The following PRSS41 variants were observed in gnomAD, a reference collection of about 807,000 sequenced individuals.
PRSS41 encodes the protein protease, serine 41.
Under a neutral mutation model 28.8 loss-of-function variants are expected in PRSS41, and 37 were observed. The ratio of observed to expected loss-of-function variants is 1.29; its 90% CI spans 0.99 to 1.69. PRSS41 has a LOEUF of 1.69. Ranked by LOEUF, PRSS41 falls within the 40% of genes most tolerant of loss-of-function variation. PRSS41 has a pLI of 0.00. For synonymous variants in PRSS41, 195 were observed against 163.1 expected, an observed-to-expected ratio of 1.20 and a Z score of -1.49; for missense variants, 431 against 400.7, an observed-to-expected ratio of 1.08 and a Z score of -0.65.
At chr16:2,801,384 A>G (rs2068985246) in intron 4 of PRSS41, among the ~76,000 whole-genome samples, 1 of 146,326 alleles carries the variant, frequency 6.8e-6, no homozygotes, top group Admixed American at 6.9e-5. Context: ...GGTGTTTCTC[A>G]CAGAGGGGGA....
At chr16:2,799,762 C>T (rs1351437788) in intron 4 of PRSS41, among the ~76,000 whole-genome samples, 193 bp downstream of exon 4, 2 of 152,244 alleles carry the variant, frequency 1.3e-5, no homozygotes, top group Non-Finnish European at 2.9e-5. Flanking sequence ...GGACCAAACA[C>T]CCAGTTCTTC....
exon 6 of PRSS41, chr16:2,805,155 A>C (rs1214734172): frequency 5.2e-6 from 8 of 1,529,772 alleles, no homozygotes; most frequent in Non-Finnish European, 6.2e-6. Flanking sequence ...TTCTGAGTGC[A>C]CCAGAAACTG....
At chr16:2,804,113 C>T (rs184491092) in intron 4 of PRSS41, among the ~76,000 whole-genome samples, 364 of 152,264 alleles carry the variant, frequency 2.4e-3, no homozygotes, top group Non-Finnish European at 3.8e-3. Flanking sequence ...GAAATTTCTC[C>T]GCGGACTCAG....
At chr16:2,802,837 G>A (rs1436930834) in intron 4 of PRSS41, among the ~76,000 whole-genome samples, 1 of 151,430 alleles carries the variant, frequency 6.6e-6, no homozygotes, top group East Asian at 2.0e-4. Context: ...TCCAGCTTCG[G>A]CTCCGCATGA....
At chr16:2,805,218 G>T in exon 6 of PRSS41, 1 of 1,103,568 alleles carries the variant, frequency 9.1e-7, no homozygotes, top group Non-Finnish European at 1.3e-6. Flanking sequence ...GGCTGTGGGC[G>T]CTTCAGGGAC....
intron 4 of PRSS41, 42 bp from the exon 5 acceptor site, chr16:2,804,347 A>G: frequency 6.5e-7 from 1 of 1,544,894 alleles, no homozygotes; most frequent in Non-Finnish European, 8.8e-7. Flanking sequence ...CAGATAGCAG[A>G]GGAGAGGTGA....
chr16:2,800,448 G>A (rs139578951), intron 4 of PRSS41, among the ~76,000 whole-genome samples: 1,575 of 150,338 alleles, frequency 0.01, 30 homozygotes, highest in African/African-American at 0.037. Flanking sequence ...GGCTGAGGCA[G>A]GAGAATCGCT....
intron 5 of PRSS41, 50 bp from the exon 6 acceptor site, chr16:2,804,864 C>T: frequency 7.0e-7 from 1 of 1,431,074 alleles, no homozygotes; most frequent in Non-Finnish European, 9.6e-7. Context: ...ATGGCCTCTG[C>T]TGCCCCACCC....
chr16:2,799,358 G>A (rs2068970473), exon 4 of PRSS41: 1 of 1,551,722 alleles, frequency 6.4e-7, no homozygotes. Context: ...GGAACCTGCG[G>A]GCCTACAGCA....
exon 6 of PRSS41, chr16:2,805,053 G>A (rs906915126): frequency 7.7e-6 from 12 of 1,553,444 alleles, no homozygotes; most frequent in South Asian, 2.4e-5. Context: ...CACTGGATCC[G>A]GAGGGTGATG....
At chr16:2,800,171 A>T (rs1366076332) in intron 4 of PRSS41, among the ~76,000 whole-genome samples, 2 of 152,236 alleles carry the variant, frequency 1.3e-5, no homozygotes, top group Admixed American at 6.5e-5. Flanking sequence ...TAAATACCAG[A>T]GCAGTTGTAA....
At chr16:2,798,498 GGGCGCTGCTGCT>G (rs568540119) in exon 1 of PRSS41, 113,021 of 1,522,622 alleles carry the variant, frequency 0.074, 4,867 homozygotes, top group Non-Finnish European at 0.087. Flanking sequence ...GGCGCGCGCG[GGGCGCTGCTGCT>G]GGCGCTGCTG....
exon 6 of PRSS41, chr16:2,805,140 A>C (rs1255342459): frequency 1.3e-6 from 2 of 1,546,488 alleles, no homozygotes; most frequent in Non-Finnish European, 1.8e-6. Context: ...TGACTCCTGC[A>C]GCCATTCTGA....
At chr16:2,804,162 G>A (rs2069005656) in intron 4 of PRSS41, among the ~76,000 whole-genome samples, 1 of 152,180 alleles carries the variant, frequency 6.6e-6, no homozygotes, top group Admixed American at 6.5e-5. Flanking sequence ...TAGAGAAACC[G>A]AGTTTCAGGA....
exon 5 of PRSS41, chr16:2,804,493 T>C (rs61747738): frequency 0.011 from 16,599 of 1,551,490 alleles, 739 homozygotes; most frequent in Admixed American, 0.099. Flanking sequence ...TAGTATGATC[T>C]GGGATTCCAT....
intron 3 of PRSS41, 53 bp from the exon 4 acceptor site, chr16:2,799,233 A>G (rs1036765237): frequency 1.3e-6 from 2 of 1,535,684 alleles, no homozygotes; most frequent in East Asian, 2.5e-5. Flanking sequence ...CAGCGTGCTC[A>G]GGCGGCCAGC....
exon 6 of PRSS41, chr16:2,805,243 C>T: frequency 2.5e-6 from 2 of 789,418 alleles, no homozygotes; most frequent in South Asian, 3.5e-5. Flanking sequence ...TTGGGACTGC[C>T]TGCTGGATCA....
At chr16:2,799,526 G>C (rs150444457) in exon 4 of PRSS41, 1 of 1,551,806 alleles carries the variant, frequency 6.4e-7, no homozygotes, top group East Asian at 2.4e-5. Flanking sequence ...TGCACCGGCC[G>C]GACTGCTGGG....
intron 2 of PRSS41, 47 bp from the exon 3 acceptor site, chr16:2,798,911 CA>C: frequency 1.3e-5 from 18 of 1,422,512 alleles, no homozygotes; most frequent in Non-Finnish European, 1.5e-5. Flanking sequence ...CGGGCCTGCC[CA>C]CCCCACCCCA....
Sources: allele counts gnomAD v4.1 joint callset (sites outside exome capture counted in the v4.1 genomes callset), GRCh38; gene constraint gnomAD v4.1.1; transcripts MANE v1.5; gene names NCBI Gene and HGNC (gene_info 2026-07-23, HGNC 2026-07-21).